Variants in EXOC6B observed in about 807,000 individuals in gnomAD.
EXOC6B encodes SEC15 homolog B.
EXOC6B carries 54 observed loss-of-function variants against 113.5 expected under a neutral mutation model. The observed-to-expected ratio is 0.48, with a 90% confidence interval of 0.38 to 0.60. The LOEUF (loss-of-function observed/expected upper bound fraction) is 0.60, where lower values mean the gene tolerates loss of function less well. EXOC6B is among the 20% of genes least tolerant of loss of function. EXOC6B has a pLI of 0.00. For missense variants in EXOC6B, 797 were observed against 977.5 expected (o/e 0.82, Z 2.46); for synonymous variants, 357 against 339.0 (o/e 1.05, Z -0.58).
At chr2:72,372,911 C>T (rs1691123114) in intron 19 of EXOC6B, among the ~76,000 whole-genome samples, 1 of 151,970 alleles carries the variant, frequency 6.6e-6, no homozygotes, top group African/African-American at 2.4e-5. Flanking sequence ...ACTAGAAATC[C>T]ATATGCAAAA....
chr2:72,300,483 C>T (rs1333647266), intron 20 of EXOC6B, among the ~76,000 whole-genome samples: 1 of 152,202 alleles, frequency 6.6e-6, no homozygotes, highest in Non-Finnish European at 1.5e-5. Flanking sequence ...CCCACCAAGC[C>T]AGACCACGTG....
intron 17 of EXOC6B, among the ~76,000 whole-genome samples, chr2:72,476,931 T>C (rs973010955): frequency 6.6e-6 from 1 of 152,202 alleles, no homozygotes; most frequent in Non-Finnish European, 1.5e-5. Context: ...CCTATAAATA[T>C]CCTGCTGGTT....
intron 18 of EXOC6B, among the ~76,000 whole-genome samples, chr2:72,458,422 T>C (rs1697386223): frequency 6.6e-6 from 1 of 152,128 alleles, no homozygotes; most frequent in African/African-American, 2.4e-5. Context: ...TAAGAAGTCA[T>C]CTGATTCTAG....
chr2:72,791,852 A>C (rs1684688412), intron 1 of EXOC6B, among the ~76,000 whole-genome samples: 1 of 152,256 alleles, frequency 6.6e-6, no homozygotes, highest in Non-Finnish European at 1.5e-5. Context: ...TAATGAATCA[A>C]CATGAAATAT....
At chr2:72,304,866 C>T (rs1686741711) in intron 20 of EXOC6B, among the ~76,000 whole-genome samples, 1 of 152,090 alleles carries the variant, frequency 6.6e-6, no homozygotes, top group Admixed American at 6.5e-5. Context: ...AAGATTGGGG[C>T]TAGGTTATTT....
chr2:72,192,764 C>A (rs982004301), intron 20 of EXOC6B, among the ~76,000 whole-genome samples: 5 of 152,136 alleles, frequency 3.3e-5, no homozygotes, highest in Non-Finnish European at 7.3e-5. Context: ...AACACTGAGT[C>A]CTGTAGAGAA....
chr2:72,612,683 T>C (rs930983611), intron 6 of EXOC6B, among the ~76,000 whole-genome samples: 9 of 152,340 alleles, frequency 5.9e-5, no homozygotes, highest in Admixed American at 5.2e-4. Flanking sequence ...CAACTGGATT[T>C]GCGTGCCTGA....
intron 7 of EXOC6B, among the ~76,000 whole-genome samples, chr2:72,562,170 G>A (rs1163240673): frequency 6.6e-6 from 1 of 152,068 alleles, no homozygotes; most frequent in Non-Finnish European, 1.5e-5. Flanking sequence ...TGTTTTCTCT[G>A]CTGCCACTAA....
intron 1 of EXOC6B, among the ~76,000 whole-genome samples, chr2:72,777,825 T>C (rs748780551): frequency 1.3e-5 from 2 of 152,096 alleles, no homozygotes; most frequent in Non-Finnish European, 1.5e-5. Context: ...TGGAGCTATA[T>C]AGTAACAAAG....
At chr2:72,531,420 A>G (rs1394767976) in intron 8 of EXOC6B, among the ~76,000 whole-genome samples, 12 of 152,196 alleles carry the variant, frequency 7.9e-5, no homozygotes, top group Admixed American at 7.9e-4. Flanking sequence ...TCAGCACCAA[A>G]TCAGAAAGTA....
intron 1 of EXOC6B, among the ~76,000 whole-genome samples, chr2:72,762,952 C>T (rs1036963826): frequency 2.6e-5 from 4 of 151,796 alleles, no homozygotes; most frequent in African/African-American, 7.3e-5. Flanking sequence ...TATACAAACA[C>T]GTACAATAGC....
At chr2:72,568,588 A>G (rs1190814480) in intron 7 of EXOC6B, among the ~76,000 whole-genome samples, 2 of 151,844 alleles carry the variant, frequency 1.3e-5, no homozygotes, top group East Asian at 3.9e-4. Context: ...CAAATTTTTC[A>G]GAGAGAGGAA....
intron 19 of EXOC6B, among the ~76,000 whole-genome samples, chr2:72,369,556 C>T (rs992621004): frequency 6.6e-6 from 1 of 152,126 alleles, no homozygotes; most frequent in Non-Finnish European, 1.5e-5. Context: ...ATTGCCAAGT[C>T]ACTCCTAAGC....
At chr2:72,753,549 G>A (rs375722103) in intron 1 of EXOC6B, among the ~76,000 whole-genome samples, 6 of 151,728 alleles carry the variant, frequency 4.0e-5, no homozygotes, top group Non-Finnish European at 5.9e-5. Flanking sequence ...CCTTATATTC[G>A]TAACAATCCA....
chr2:72,561,190 A>C lies in EXOC6B; in HGVS notation c.847-1669T>G, dbSNP rs571874905. Among the ~76,000 whole-genome samples the C allele has an allele frequency of 7.0e-4, 106 of 152,178 alleles. 1 individual carries two copies. The highest frequency in any genetic ancestry group is 3.4e-3 in the Middle Eastern group (1 of 294). The stretch of plus-strand genomic sequence containing the variant: ...AAAATTTCTTTTATCTTGCCAAAAA[A>C]CCAGAGCCTACAGCTAAGCAAAACA... On this transcript the variant is annotated intron_variant, in intron 7 of 21. Transcript: ENST00000272427.
chr2:72,203,818 A>G (rs1679653296), intron 20 of EXOC6B, among the ~76,000 whole-genome samples: 1 of 152,156 alleles, frequency 6.6e-6, no homozygotes, highest in Non-Finnish European at 1.5e-5. Context: ...CAAGATATTG[A>G]GATTATGGCA....
chr2:72,561,035 A>T (rs1022018387), intron 7 of EXOC6B, among the ~76,000 whole-genome samples: 2 of 152,080 alleles, frequency 1.3e-5, no homozygotes, highest in Non-Finnish European at 2.9e-5. Flanking sequence ...AGGCACCCTT[A>T]TTTGAAATGA....
intron 6 of EXOC6B, among the ~76,000 whole-genome samples, chr2:72,634,295 T>G (rs1228453397): frequency 6.6e-6 from 1 of 152,170 alleles, no homozygotes; most frequent in Admixed American, 6.5e-5. Flanking sequence ...AAAATGCTAA[T>G]GAAAAAACAG....
At chr2:72,759,390 T>C (rs1028195443) in intron 1 of EXOC6B, among the ~76,000 whole-genome samples, 1 of 152,214 alleles carries the variant, frequency 6.6e-6, no homozygotes, top group African/African-American at 2.4e-5. Context: ...TTGACAGTCA[T>C]ATCATGCTAT....
Sources: gnomAD v4.1 joint callset for allele counts (sites outside exome capture counted in the v4.1 genomes callset) on GRCh38, gnomAD v4.1.1 for gene constraint, MANE v1.5 for transcripts, NCBI Gene and HGNC (gene_info 2026-07-23, HGNC 2026-07-21) for gene names.